The following ENG variants were observed in gnomAD, a reference collection of about 807,000 sequenced individuals.
ENG encodes the protein endoglin, also known as CD105 antigen.
In ENG, 17 loss-of-function variants were observed where a neutral mutation model predicts 71.0. That is an observed-to-expected ratio of 0.24 (90% CI 0.16 to 0.36). ENG has a LOEUF of 0.36. Ranked by LOEUF, ENG falls within the 10% of genes least tolerant of loss-of-function variation. The pLI is 1.00. For synonymous variants in ENG, 360 were observed against 366.9 expected (o/e 0.98, Z 0.21); for missense variants, 749 against 868.3 (o/e 0.86, Z 1.73).
chr9:127,840,741 C>T (rs899328554), intron 2 of ENG, among the ~76,000 whole-genome samples: 1 of 152,164 alleles, frequency 6.6e-6, no homozygotes, highest in Non-Finnish European at 1.5e-5. Context: ...ATGTCTCTAC[C>T]ACCTCCTCAA....
chr9:127,822,402 G>A, intron 8 of ENG: 1 of 152,184 alleles, frequency 6.6e-6, no homozygotes, highest in East Asian at 1.9e-4. Context: ...AATCATCTTT[G>A]GGAAAGTGGG....
chr9:127,826,017 C>T (rs1830607646), intron 4 of ENG, among the ~76,000 whole-genome samples, 157 bp from the exon 5 acceptor site: 1 of 152,196 alleles, frequency 6.6e-6, no homozygotes, highest in African/African-American at 2.4e-5. Context: ...TTCCCTTCCA[C>T]CACTCACCTG....
At chr9:127,830,600 T>C (rs903558103) in intron 2 of ENG, among the ~76,000 whole-genome samples, 1 of 151,752 alleles carries the variant, frequency 6.6e-6, no homozygotes, top group African/African-American at 2.4e-5. Context: ...TGAGCTGAGA[T>C]TGCGCTATTG....
Position 127,836,284 on chromosome 9 carries a change from G to A in ENG, c.220-6457C>T, listed in dbSNP as rs1830901700. Among the ~76,000 whole-genome samples, 1 of 152,186 alleles carries A rather than the reference G, an allele frequency of 6.6e-6. No homozygotes were observed. Among genetic ancestry groups the A allele is most frequent in the African/African-American group, 2.4e-5 (1 of 41,450 alleles). ...CTCACCCCCAGCCCGGCCAGCCTGC[G>A]CCTACCCAGCCCCCTCCCTGAGTGG... On this transcript the variant is annotated intron_variant, in intron 2 of 14. Transcript: ENST00000373203. The surrounding 1 kb of genome is among the most constrained non-coding windows in gnomAD (Gnocchi z 4.0).
intron 8 of ENG, among the ~76,000 whole-genome samples, chr9:127,822,684 TAGTA>T (rs74313716): frequency 0.015 from 2,208 of 152,214 alleles, 34 homozygotes; most frequent in Non-Finnish European, 0.022. Flanking sequence ...TTAAGTGAAA[TAGTA>T]AGAGACAAAT....
rs776694627 is a variant in ENG, at chr9:127,825,682, G to A, written c.689+13C>T. ...GGTGGGGACTAGTGTCAGGGGCGGG[G>A]CGAGAGCCATACCCGGCCGAGTGGC... On this transcript the variant is annotated intron_variant, in intron 5 of 14. Coordinates refer to ENST00000373203, the MANE Select transcript of ENG (RefSeq NM_001114753.3). 6.4e-7 allele frequency: 1 copy of A among 1,558,710 alleles called. No homozygotes were observed. Among genetic ancestry groups the A allele is most frequent in the Non-Finnish European group, 8.6e-7 (1 of 1,157,212 alleles).
intron 3 of ENG, among the ~76,000 whole-genome samples, chr9:127,828,019 C>CAAAAAAA (rs997493323): frequency 0.021 from 664 of 31,158 alleles, 51 homozygotes; most frequent in African/African-American, 0.072. Flanking sequence ...AACTCCATCT[C>CAAAAAAA]AAAAAAAAAA....
At chr9:127,825,138 A>C in intron 6 of ENG, 93 bp downstream of exon 6, 1 of 1,609,682 alleles carries the variant, frequency 6.2e-7, no homozygotes, top group Non-Finnish European at 8.5e-7. Flanking sequence ...TTTGTCCTTC[A>C]GCTCAGCTCG....
At chr9:127,819,851 G>A (rs367761743) in intron 9 of ENG, 49 bp downstream of exon 9, 1 of 1,614,026 alleles carries the variant, frequency 6.2e-7, no homozygotes. Flanking sequence ...GGCACCTGAG[G>A]GGGCACCAAC....
In ENG at chr9:127,846,884, C is replaced by A; in HGVS notation, c.68-3639G>T. Reference sequence around the variant, plus strand: ...ACCTCCCACCACTGTCCCCTCTCCACCCTCGCCACCCATGTGCACACAGCA... The same window carrying A: ...ACCTCCCACCACTGTCCCCTCTCCAACCTCGCCACCCATGTGCACACAGCA... On this transcript the variant is annotated intron_variant, in intron 1 of 14. Transcript: ENST00000373203. This position sits in a 1 kb window ranked among gnomAD's most constrained non-coding sequence, Gnocchi z 5.5. The A allele has an allele frequency of 1.0e-6, 1 of 985,614 alleles. No homozygotes were observed. 61.1% of individuals were successfully genotyped at this position (985,614 alleles called of 1,614,324 possible). A position where few individuals can be genotyped will look rare whatever the true frequency, so the allele number is the denominator to read the frequency against.
intron 2 of ENG, among the ~76,000 whole-genome samples, chr9:127,842,250 A>T (rs1412362683): frequency 7.3e-6 from 1 of 137,746 alleles, no homozygotes. Context: ...TTTTTGAGAC[A>T]GGGTCTCACT....
At chr9:127,848,691 A>C (rs1002899218) in intron 1 of ENG, among the ~76,000 whole-genome samples, 2 of 152,124 alleles carry the variant, frequency 1.3e-5, no homozygotes, top group Admixed American at 6.5e-5. Context: ...GGAGAACCAG[A>C]CCATACATGC....
chr9:127,841,159 A>T (rs1402220852), intron 2 of ENG: 1 of 152,348 alleles, frequency 6.6e-6, no homozygotes, highest in Non-Finnish European at 1.5e-5. Context: ...TCCAGGCCCA[A>T]GTCTCCTTAG....
chr9:127,830,604 G>A (rs1830741171), intron 2 of ENG, among the ~76,000 whole-genome samples: 1 of 150,924 alleles, frequency 6.6e-6, no homozygotes, highest in South Asian at 2.1e-4. Flanking sequence ...CTGAGATTGC[G>A]CTATTGCACT....
At chr9:127,822,135 G>T (rs960273422) in intron 8 of ENG, among the ~76,000 whole-genome samples, 38 of 152,128 alleles carry the variant, frequency 2.5e-4, no homozygotes, top group African/African-American at 8.9e-4. Flanking sequence ...GGCCAAAGGG[G>T]CAACCTTTTT....
rs778561832 is a variant in ENG at position 127,818,372 on chromosome 9, T to C, written c.1434A>G (p.Arg478=). The change falls in exon 12 of 15, where the codon AGA becomes AGG. Residue 478 remains arginine (R), a synonymous_variant. Coordinates refer to ENST00000373203, the MANE Select transcript of ENG (RefSeq NM_001114753.3). The stretch of plus-strand genomic sequence containing the variant: ...GGAACTCGGAGACGGATGGGGACAC[T>C]CTGACCTGCATGGGTAGGTAGGGCC... The part of the protein sequence containing the change: ...EPGQQSFVQV[R]VSPSVSEFLL... The C allele has an allele frequency of 6.2e-7, 1 of 1,613,526 alleles. No homozygotes were observed. The highest frequency in any genetic ancestry group is 1.1e-5 in the South Asian group (1 of 91,080).
Position 127,834,693 on chromosome 9 carries a change from A to G in ENG, c.220-4866T>C, listed in dbSNP as rs540029341. 1.9e-3 allele frequency among the ~76,000 whole-genome samples: 288 copies of G among 150,028 alleles called. 4 individuals are homozygous for G. Among genetic ancestry groups the G allele is most frequent in the African/African-American group, 6.3e-3 (251 of 40,134 alleles). On this transcript the variant is annotated intron_variant, in intron 2 of 14. Transcript: ENST00000373203. ...GCTGGGATTATAAGCGTGTGCCACC[A>G]CGCCCAGCCTAATTTTTGTATTTTT...
At chr9:127,818,087 C>T (rs1405027165) in intron 12 of ENG, 33 bp downstream of exon 12, 22 of 1,613,680 alleles carry the variant, frequency 1.4e-5, no homozygotes, top group African/African-American at 4.0e-5. Flanking sequence ...GAAGCTCCCA[C>T]TTGAAGCTGG....
intron 8 of ENG, 60 bp from the exon 9 acceptor site, chr9:127,820,097 C>G: frequency 1.3e-6 from 2 of 1,590,510 alleles, no homozygotes; most frequent in South Asian, 1.1e-5. Flanking sequence ...CCTGCCACAC[C>G]CCAGCACCAA....
Sources: gnomAD v4.1 joint callset for allele counts (sites outside exome capture counted in the v4.1 genomes callset) on GRCh38, gnomAD v4.1.1 for gene constraint, Gnocchi (gnomAD v3.1) non-coding constraint, MANE v1.5 for transcripts, NCBI Gene and HGNC (gene_info 2026-07-23, HGNC 2026-07-21) for gene names.